LRRC37B: variants seen among roughly 807,000 people sequenced by gnomAD.
The protein encoded by LRRC37B is leucine rich repeat containing 37B, also known as leucine-rich repeat-containing protein 37B.
A neutral mutation model predicts 98.3 loss-of-function variants in LRRC37B; 28 were observed. That is an observed-to-expected ratio of 0.28 (90% CI 0.21 to 0.39). The LOEUF is 0.39. LRRC37B is among the 10% of genes least tolerant of loss of function. LRRC37B has a pLI of 1.00. For missense variants in LRRC37B, 938 were observed against 1,182.7 expected, an observed-to-expected ratio of 0.79 and a Z score of 3.03; for synonymous variants, 364 against 442.7, an observed-to-expected ratio of 0.82 and a Z score of 2.23.
At position 32,013,650 on chromosome 17, in the gene LRRC37B, G is replaced by A. The variant is rs139624696; in HGVS notation, c.-190-4322G>A. 5.5e-4 allele frequency among the ~76,000 whole-genome samples: 83 copies of A among 151,922 alleles called. 1 individual carries two copies. In the East Asian group the frequency reaches 0.011, roughly 20 times the overall value. On this transcript the variant is annotated intron_variant, in intron 1 of 14. Coordinates refer to the LRRC37B transcript ENST00000543378. ...TTAGCCTTTTACCTCTAAATACAAC[G>A]TCAAAGTATTGCAACCATATAGGTT...
At chr17:32,022,228 A>T (rs1910815910) in exon 1 of LRRC37B, 5 of 1,612,790 alleles carry the variant, frequency 3.1e-6, no homozygotes, top group Non-Finnish European at 4.2e-6. Flanking sequence ...AATGAGACAG[A>T]ATCTACCCAA....
intron 3 of LRRC37B, among the ~76,000 whole-genome samples, chr17:32,029,726 G>T (rs967009876): frequency 6.6e-6 from 1 of 152,218 alleles, no homozygotes; most frequent in Non-Finnish European, 1.5e-5. Flanking sequence ...ATTGGAGCCA[G>T]ATCTTCCAGG....
chr17:32,021,038 A>G, exon 1 of LRRC37B: 1 of 1,596,162 alleles, frequency 6.3e-7, no homozygotes, highest in Non-Finnish European at 8.5e-7. Context: ...TAAAGGTGAC[A>G]TAAATAAAGG....
At chr17:32,027,353 G>T (rs1230887941) in intron 2 of LRRC37B, among the ~76,000 whole-genome samples, 1 of 150,348 alleles carries the variant, frequency 6.7e-6, no homozygotes, top group African/African-American at 2.5e-5. Flanking sequence ...GCTTGCTTGT[G>T]TGTGTGTGCT....
intron 5 of LRRC37B, among the ~76,000 whole-genome samples, chr17:32,034,652 T>G (rs1911196402): frequency 6.6e-6 from 1 of 152,042 alleles, no homozygotes. Context: ...CTGTGGCATA[T>G]TTTTTCTTTC....
intron 7 of LRRC37B, among the ~76,000 whole-genome samples, chr17:32,037,635 G>T (rs1277096599): frequency 1.3e-5 from 2 of 152,198 alleles, no homozygotes. Flanking sequence ...ATGTGTAGTG[G>T]AATCTCACTG....
intron 1 of LRRC37B, among the ~76,000 whole-genome samples, chr17:32,024,194 T>A (rs1910880936): frequency 6.6e-6 from 1 of 151,736 alleles, no homozygotes; most frequent in African/African-American, 2.4e-5. Context: ...AATAGAAAGG[T>A]CTAGCAAAAT....
chr17:32,013,427 A>T (rs1224131879), intron 1 of LRRC37B, among the ~76,000 whole-genome samples: 2 of 152,096 alleles, frequency 1.3e-5, no homozygotes, highest in South Asian at 4.1e-4. Context: ...TAATGACTGG[A>T]TTTAGGTTTC....
chr17:32,033,302 AGAAGGAAG>A (rs914979788), intron 5 of LRRC37B, among the ~76,000 whole-genome samples: 1 of 137,870 alleles, frequency 7.3e-6, no homozygotes, highest in African/African-American at 2.6e-5. Flanking sequence ...TTAACTCAAA[AGAAGGAAG>A]GAAGGAAGGG....
At chr17:32,012,330 C>A (rs533100693) in intron 1 of LRRC37B, among the ~76,000 whole-genome samples, 2 of 152,278 alleles carry the variant, frequency 1.3e-5, no homozygotes, top group Non-Finnish European at 2.9e-5. Flanking sequence ...TTGTTAGATG[C>A]AGAAACATTT....
At chr17:32,022,737 C>G (rs1044849) in exon 1 of LRRC37B, 1 of 1,614,022 alleles carries the variant, frequency 6.2e-7, no homozygotes, top group Non-Finnish European at 8.5e-7. Flanking sequence ...AGATGAGACT[C>G]TGTCATGTGT....
At chr17:32,019,124 G>A (rs531567783), upstream of LRRC37B, among the ~76,000 whole-genome samples, 9 of 152,102 alleles carry the variant, frequency 5.9e-5, no homozygotes, top group African/African-American at 1.7e-4. Flanking sequence ...ACTGTTTTTC[G>A]CCATGTTGGC....
At chr17:32,022,517 C>A (rs771363527) in exon 1 of LRRC37B, 2 of 1,613,480 alleles carry the variant, frequency 1.2e-6, no homozygotes. Context: ...CTCCAGAACC[C>A]ACTACAGAGA....
intron 1 of LRRC37B, among the ~76,000 whole-genome samples, chr17:32,023,536 T>A (rs1295990364): frequency 1.3e-5 from 2 of 152,186 alleles, no homozygotes; most frequent in African/African-American, 4.8e-5. Flanking sequence ...CAGGTCTGTT[T>A]ATTAGCTTGG....
At chr17:32,017,724 C>G (rs1249458919), upstream of LRRC37B, among the ~76,000 whole-genome samples, 4 of 151,838 alleles carry the variant, frequency 2.6e-5, no homozygotes, top group Non-Finnish European at 5.9e-5. Flanking sequence ...CCCAGGAATT[C>G]CAGGCTGCAG....
intron 7 of LRRC37B, among the ~76,000 whole-genome samples, chr17:32,036,910 G>T (rs566515776): frequency 3.3e-5 from 5 of 149,508 alleles, no homozygotes; most frequent in Non-Finnish European, 5.9e-5. Context: ...GTTTCCTAAA[G>T]TGGCTGTGCC....
chr17:32,025,640 C>A (rs1438961958), intron 2 of LRRC37B, among the ~76,000 whole-genome samples: 1 of 152,154 alleles, frequency 6.6e-6, no homozygotes, highest in Non-Finnish European at 1.5e-5. Flanking sequence ...TAGAGGGTCA[C>A]CCCATTCATT....
Position 32,023,389 on chromosome 17 carries a change from C to G in LRRC37B, c.1760+564C>G, listed in dbSNP as rs537934612. 9.2e-5 allele frequency among the ~76,000 whole-genome samples: 14 copies of G among 152,332 alleles called. No homozygotes were observed. The East Asian group carries it at 2.7e-3, about 29-fold the overall frequency. Reference sequence around the variant, plus strand: ...CCACCCACTTTAGCCTCCCAAAGTGCTGGGATTACAGGCGTGAGCCACCGC... The same window carrying G: ...CCACCCACTTTAGCCTCCCAAAGTGGTGGGATTACAGGCGTGAGCCACCGC... On this transcript the variant is annotated intron_variant, in intron 1 of 11. Coordinates refer to ENST00000327564, the Ensembl canonical transcript of LRRC37B.
chr17:32,043,937 G>C (rs902903277), intron 7 of LRRC37B, among the ~76,000 whole-genome samples: 1 of 151,462 alleles, frequency 6.6e-6, no homozygotes, highest in South Asian at 2.1e-4. Flanking sequence ...ATCACTCAGT[G>C]TGTGCCAGAC....
Sources: allele counts gnomAD v4.1 joint callset (sites outside exome capture counted in the v4.1 genomes callset), GRCh38; gene constraint gnomAD v4.1.1; transcripts MANE v1.5; gene names NCBI Gene and HGNC (gene_info 2026-07-23, HGNC 2026-07-21).